SLIT3: variants seen among roughly 807,000 people sequenced by gnomAD.
SLIT3 encodes slit homolog 3 protein.
SLIT3 carries 68 observed loss-of-function variants against 184.0 expected under a neutral mutation model. The ratio of observed to expected loss-of-function variants is 0.37; its 90% CI spans 0.30 to 0.45. The LOEUF (loss-of-function observed/expected upper bound fraction) is 0.45, where lower values mean the gene tolerates loss of function less well. SLIT3 is among the 20% of genes least tolerant of loss of function. SLIT3 has a pLI of 1.00. For synonymous variants in SLIT3, 831 were observed against 828.6 expected (o/e 1.00, Z -0.05); for missense variants, 1,707 against 2,026.0 (o/e 0.84, Z 3.02).
At chr5:168,695,257 C>T (rs1762021173) in intron 28 of SLIT3, among the ~76,000 whole-genome samples, 1 of 152,180 alleles carries the variant, frequency 6.6e-6, no homozygotes, top group African/African-American at 2.4e-5. Flanking sequence ...CTCATTTTCT[C>T]CTTGCCTTAG....
At chr5:168,682,254 A>T (rs292488) in intron 32 of SLIT3, among the ~76,000 whole-genome samples, 2 of 152,170 alleles carry the variant, frequency 1.3e-5, no homozygotes, top group Non-Finnish European at 2.9e-5. Context: ...TTTGCTCCTC[A>T]TCTGTCTTTG....
At chr5:168,890,723 A>G (rs543723933) in intron 4 of SLIT3, among the ~76,000 whole-genome samples, 1 of 152,330 alleles carries the variant, frequency 6.6e-6, no homozygotes, top group East Asian at 1.9e-4. Flanking sequence ...CCATGGGTTG[A>G]TACTTATTGG....
chr5:169,240,478 C>CCT (rs1765360693), intron 3 of SLIT3, among the ~76,000 whole-genome samples: 1 of 150,744 alleles, frequency 6.6e-6, no homozygotes, highest in East Asian at 2.0e-4. Context: ...TTTATCATTA[C>CCT]AAAATTCCCT....
intron 5 of SLIT3, among the ~76,000 whole-genome samples, chr5:168,845,023 T>C (rs777953125): frequency 2.6e-5 from 4 of 151,576 alleles, no homozygotes; most frequent in Admixed American, 1.3e-4. Context: ...CTGTAAATCA[T>C]TGGAGGTCAC....
intron 4 of SLIT3, among the ~76,000 whole-genome samples, chr5:169,190,984 C>T (rs1008923463): frequency 3.3e-5 from 5 of 152,100 alleles, no homozygotes. Context: ...AATATAGCTG[C>T]TTCAGTAAAA....
intron 4 of SLIT3, among the ~76,000 whole-genome samples, chr5:169,126,874 T>G (rs551469785): frequency 1.3e-5 from 2 of 152,328 alleles, no homozygotes; most frequent in African/African-American, 4.8e-5. Flanking sequence ...CTCTCCCACT[T>G]AACCAAATGA....
chr5:169,206,486 T>C (rs550469444), intron 3 of SLIT3, among the ~76,000 whole-genome samples: 17 of 152,292 alleles, frequency 1.1e-4, no homozygotes, highest in African/African-American at 2.9e-4. Context: ...CTAGTAGATA[T>C]CAGGGAGGGC....
At chr5:168,714,973 C>T (rs371335862) in intron 23 of SLIT3, among the ~76,000 whole-genome samples, 111 of 152,308 alleles carry the variant, frequency 7.3e-4, no homozygotes, top group African/African-American at 2.5e-3. Context: ...CTGGGCTGCG[C>T]GAACCTTGGG....
At chr5:168,745,692 G>A (rs374517550) in intron 20 of SLIT3, among the ~76,000 whole-genome samples, 1 of 152,194 alleles carries the variant, frequency 6.6e-6, no homozygotes, top group Non-Finnish European at 1.5e-5. Context: ...GATTACAGGC[G>A]TGAGCCACGG....
intron 4 of SLIT3, among the ~76,000 whole-genome samples, chr5:169,016,400 C>T (rs1168566693): frequency 6.6e-6 from 1 of 152,150 alleles, no homozygotes; most frequent in Non-Finnish European, 1.5e-5. Context: ...ACTAAGGTAT[C>T]ATGCTGATTA....
At chr5:169,175,807 C>G (rs1322583686) in intron 4 of SLIT3, among the ~76,000 whole-genome samples, 1 of 152,152 alleles carries the variant, frequency 6.6e-6, no homozygotes, top group Admixed American at 6.5e-5. Flanking sequence ...CTCAGGGCAA[C>G]AGAATCTGGC....
At chr5:169,217,610 G>T (rs773677601) in intron 3 of SLIT3, among the ~76,000 whole-genome samples, 21 of 152,222 alleles carry the variant, frequency 1.4e-4, no homozygotes, top group Non-Finnish European at 2.5e-4. Flanking sequence ...GTTCCTGGAA[G>T]TCAGGGGCAT....
At chr5:168,778,071 GA>G (rs781183706) in intron 12 of SLIT3, among the ~76,000 whole-genome samples, 183 of 152,246 alleles carry the variant, frequency 1.2e-3, no homozygotes, top group Non-Finnish European at 2.1e-3. Context: ...TTTTGCAGCA[GA>G]GATTCCAGGA....
chr5:168,898,636 T>C (rs1221883831), intron 4 of SLIT3, among the ~76,000 whole-genome samples: 1 of 152,224 alleles, frequency 6.6e-6, no homozygotes, highest in Non-Finnish European at 1.5e-5. Context: ...GAGGACATAA[T>C]TGACGTTCTG....
At chr5:168,817,048 A>AG (rs78318849) in intron 8 of SLIT3, among the ~76,000 whole-genome samples, 38,364 of 152,120 alleles carry the variant, frequency 0.25, 4,919 homozygotes, top group East Asian at 0.29. Flanking sequence ...TCAATGGACT[A>AG]GGGGCTGAAA....
At chr5:168,813,038 C>T (rs1016724492) in intron 8 of SLIT3, among the ~76,000 whole-genome samples, 5 of 152,124 alleles carry the variant, frequency 3.3e-5, no homozygotes, top group African/African-American at 9.7e-5. Context: ...AAGTGTACGA[C>T]GTGGCCCCTC....
At chr5:168,796,246 C>T (rs1410099180) in intron 9 of SLIT3, among the ~76,000 whole-genome samples, 2 of 152,220 alleles carry the variant, frequency 1.3e-5, no homozygotes, top group African/African-American at 4.8e-5. Context: ...TCCTGAAATG[C>T]TTCCTCTCCT....
intron 19 of SLIT3, 64 bp downstream of exon 19, chr5:168,749,408 T>G (rs186398770): frequency 6.3e-7 from 1 of 1,580,604 alleles, no homozygotes; most frequent in African/African-American, 1.3e-5. Context: ...TGATTGTGCA[T>G]CTTCGCCATC....
chr5:168,726,815 CAAACAAAACA>C (rs761107889), intron 20 of SLIT3, among the ~76,000 whole-genome samples: 2 of 148,566 alleles, frequency 1.3e-5, no homozygotes, highest in Non-Finnish European at 3.0e-5. Flanking sequence ...CCTAAAAATA[CAAACAAAACA>C]AAACAAAACA....
Sources: gnomAD v4.1 joint callset for allele counts (sites outside exome capture counted in the v4.1 genomes callset) on GRCh38, gnomAD v4.1.1 for gene constraint, MANE v1.5 for transcripts, NCBI Gene and HGNC (gene_info 2026-07-23, HGNC 2026-07-21) for gene names.